The following NTRK3 variants were observed in gnomAD, a reference collection of about 807,000 sequenced individuals.
NTRK3 encodes the protein NT-3 growth factor receptor.
NTRK3 carries 24 observed loss-of-function variants against 91.7 expected under a neutral mutation model. The ratio of observed to expected loss-of-function variants is 0.26; its 90% confidence interval spans 0.19 to 0.37. The LOEUF (loss-of-function observed/expected upper bound fraction) is 0.37. Among genes scored for constraint, NTRK3 ranks in the 10% least tolerant of loss-of-function variants. The pLI, the probability that NTRK3 is intolerant of heterozygous loss-of-function variation, is 1.00. For synonymous variants in NTRK3, 483 were observed against 404.0 expected (o/e 1.20, Z -2.34); for missense variants, 880 against 1,068.9 (o/e 0.82, Z 2.46).
chr15:87,936,671 G>A (rs1015909013), intron 15 of NTRK3, among the ~76,000 whole-genome samples: 11 of 151,706 alleles, frequency 7.3e-5, no homozygotes, highest in African/African-American at 2.7e-4. Flanking sequence ...GTCCTAAGTG[G>A]TAAAACACAC....
intron 13 of NTRK3, among the ~76,000 whole-genome samples, chr15:88,076,986 C>G (rs1406474411): frequency 6.6e-6 from 1 of 151,924 alleles, no homozygotes; most frequent in African/African-American, 2.4e-5. Context: ...TCCCAGTACT[C>G]GGGAGGCTGA....
intron 14 of NTRK3, among the ~76,000 whole-genome samples, chr15:87,993,375 A>G (rs533259120): frequency 9.2e-5 from 14 of 152,344 alleles, no homozygotes; most frequent in African/African-American, 3.4e-4. Flanking sequence ...AAAAAATCAA[A>G]TAATATAAAC....
At chr15:87,979,434 T>G in intron 14 of NTRK3, 4 of 1,613,090 alleles carry the variant, frequency 2.5e-6, no homozygotes, top group Non-Finnish European at 3.4e-6. Context: ...CCGGGAAGGC[T>G]TATTGGATTC....
intron 17 of NTRK3, among the ~76,000 whole-genome samples, chr15:87,893,186 G>A (rs951159622): frequency 1.3e-5 from 2 of 152,096 alleles, no homozygotes. Flanking sequence ...TTTCCCCAAG[G>A]CTGTATCGTA....
intron 13 of NTRK3, among the ~76,000 whole-genome samples, chr15:88,075,275 C>G (rs989667324): frequency 2.0e-5 from 3 of 152,240 alleles, no homozygotes; most frequent in African/African-American, 7.2e-5. Flanking sequence ...GGGTCAACAA[C>G]TCTATCTGCA....
At chr15:88,019,434 C>T (rs1024995210) in intron 14 of NTRK3, among the ~76,000 whole-genome samples, 1 of 152,226 alleles carries the variant, frequency 6.6e-6, no homozygotes, top group African/African-American at 2.4e-5. Flanking sequence ...CAACCATATG[C>T]CTCAGGGAAA....
intron 17 of NTRK3, among the ~76,000 whole-genome samples, chr15:87,897,284 G>A (rs1171206568): frequency 5.3e-5 from 8 of 152,020 alleles, no homozygotes; most frequent in Admixed American, 5.2e-4. Context: ...AACTTATTTT[G>A]TTTTCCTCTT....
chr15:88,012,594 TTGC>T (rs2141784567), intron 14 of NTRK3, among the ~76,000 whole-genome samples: 1 of 152,344 alleles, frequency 6.6e-6, no homozygotes, highest in South Asian at 2.1e-4. Flanking sequence ...AATGAGCCAT[TTGC>T]TGGTTTATTT....
At chr15:88,026,392 T>TA (rs1011981254) in intron 14 of NTRK3, among the ~76,000 whole-genome samples, 3 of 152,220 alleles carry the variant, frequency 2.0e-5, no homozygotes, top group Non-Finnish European at 2.9e-5. Flanking sequence ...CTGAAAAGGC[T>TA]ACACACTATG....
chr15:88,059,358 G>C (rs990208083), intron 13 of NTRK3, among the ~76,000 whole-genome samples: 1 of 152,176 alleles, frequency 6.6e-6, no homozygotes, highest in African/African-American at 2.4e-5. Context: ...TGTACCCCAA[G>C]CCAGGAGTTC....
chr15:88,222,849 GC>G (rs2050347155), intron 3 of NTRK3, among the ~76,000 whole-genome samples: 1 of 152,140 alleles, frequency 6.6e-6, no homozygotes, highest in Admixed American at 6.5e-5. Context: ...AGAAACCGAG[GC>G]CCAGGGAGGC....
intron 14 of NTRK3, among the ~76,000 whole-genome samples, chr15:87,987,144 C>T (rs777136314): frequency 5.3e-5 from 8 of 152,214 alleles, no homozygotes; most frequent in Admixed American, 2.6e-4. Context: ...GTGATTTCTA[C>T]GCACAAAAAC....
At chr15:88,086,554 T>C (rs137924398) in intron 13 of NTRK3, among the ~76,000 whole-genome samples, 43 of 151,458 alleles carry the variant, frequency 2.8e-4, no homozygotes, top group African/African-American at 9.8e-4. Context: ...AAAGTATGTA[T>C]GGGGCTCTCT....
intron 14 of NTRK3, among the ~76,000 whole-genome samples, chr15:88,024,877 T>G (rs1318249974): frequency 2.0e-5 from 3 of 152,210 alleles, no homozygotes; most frequent in Non-Finnish European, 4.4e-5. Flanking sequence ...TACCAAGAGG[T>G]GCCAGTCTTT....
rs144133048 is a variant in NTRK3 at position 88,227,874 on chromosome 15, G to A, written c.248+28032C>T. On this transcript the variant is annotated intron_variant, in intron 3 of 18. Transcript: ENST00000394480. ...GCATTCCCCTTGCTAGCTCACTCCC[G>A]TGGGTCCTTTCTCCTTACTCCTGTA... 2.2e-3 allele frequency among the ~76,000 whole-genome samples: 327 copies of A among 151,962 alleles called. 1 individual carries two copies. The highest frequency in any genetic ancestry group is 7.6e-3 in the African/African-American group (314 of 41,396).
At chr15:87,868,599 A>C (rs2064748963) in exon 19 of NTRK3, 1 of 220,626 alleles carries the variant, frequency 4.5e-6, no homozygotes, top group Non-Finnish European at 9.1e-6. Context: ...AACTCTGTGG[A>C]GTCTGAAGGT....
At chr15:87,948,082 A>G (rs17753398) in intron 14 of NTRK3, among the ~76,000 whole-genome samples, 3,782 of 152,302 alleles carry the variant, frequency 0.025, 62 homozygotes, top group Non-Finnish European at 0.039. Context: ...AATGGCAAGC[A>G]AGAGGAGCTA....
exon 19 of NTRK3, chr15:87,868,457 CAAGTAGGAAAA>C: frequency 4.6e-6 from 1 of 219,238 alleles, no homozygotes; most frequent in Non-Finnish European, 9.1e-6. Context: ...AGACAAGAGG[CAAGTAGGAAAA>C]ACAATTTCAA....
intron 16 of NTRK3, among the ~76,000 whole-genome samples, chr15:87,932,343 G>A (rs2068874378): frequency 6.6e-6 from 1 of 152,212 alleles, no homozygotes. Context: ...CTAGCCACAT[G>A]TGACTAACAA....
Sources: allele counts gnomAD v4.1 joint callset (sites outside exome capture counted in the v4.1 genomes callset), GRCh38; gene constraint gnomAD v4.1.1; transcripts MANE v1.5; gene names NCBI Gene and HGNC (gene_info 2026-07-23, HGNC 2026-07-21).